Variants in CIMAP1D observed in about 807,000 individuals in gnomAD.
CIMAP1D encodes the protein protein CIMAP1D.
At chr19:488,305 G>T in the CIMAP1D span, among the ~76,000 whole-genome samples, 1 of 152,064 alleles carries the variant, frequency 6.6e-6, no homozygotes, top group Non-Finnish European at 1.5e-5. Flanking sequence ...GGCAGATCAC[G>T]AGGTCAGGAG....
chr19:488,509 G>A, the CIMAP1D span, among the ~76,000 whole-genome samples: 95 of 152,322 alleles, frequency 6.2e-4, no homozygotes, highest in African/African-American at 2.0e-3. Flanking sequence ...GCGACAGAGC[G>A]AGACTCCGTC....
chr19:480,673 G>A, the CIMAP1D span, among the ~76,000 whole-genome samples: 3 of 149,818 alleles, frequency 2.0e-5, no homozygotes, highest in Admixed American at 6.6e-5. Context: ...GATGGAGAAG[G>A]ATGATGGAGA....
At chr19:474,187 C>T in the CIMAP1D span, among the ~76,000 whole-genome samples, 20 of 152,314 alleles carry the variant, frequency 1.3e-4, no homozygotes, top group African/African-American at 3.1e-4. Context: ...GAGGAAACTG[C>T]GGCCCGTCCT....
At chr19:478,781 G>A in the CIMAP1D span, among the ~76,000 whole-genome samples, 1 of 152,276 alleles carries the variant, frequency 6.6e-6, no homozygotes, top group African/African-American at 2.4e-5. Context: ...GGCTGCAGGC[G>A]AGGGACGTCA....
At chr19:491,026 G>A in the CIMAP1D span, among the ~76,000 whole-genome samples, 1 of 152,094 alleles carries the variant, frequency 6.6e-6, no homozygotes, top group African/African-American at 2.4e-5. Flanking sequence ...AACCTGGGAG[G>A]CAGAGGTTGC....
At chr19:483,666 G>C in the CIMAP1D span, among the ~76,000 whole-genome samples, 1 of 152,178 alleles carries the variant, frequency 6.6e-6, no homozygotes, top group Non-Finnish European at 1.5e-5. Flanking sequence ...CAGTGGCCGG[G>C]ACCACCCCAC....
the CIMAP1D span, among the ~76,000 whole-genome samples, chr19:471,920 G>T: frequency 6.6e-6 from 1 of 151,920 alleles, no homozygotes; most frequent in African/African-American, 2.4e-5. Flanking sequence ...TTTTTCTTTG[G>T]TATTTTTAGT....
the CIMAP1D span, among the ~76,000 whole-genome samples, chr19:488,417 G>GA: frequency 9.2e-5 from 14 of 152,318 alleles, no homozygotes; most frequent in South Asian, 2.1e-4. Flanking sequence ...AGCTACTCGG[G>GA]AGGCTGAGGC....
chr19:469,399 C>G, the CIMAP1D span, among the ~76,000 whole-genome samples: 1 of 152,174 alleles, frequency 6.6e-6, no homozygotes, highest in South Asian at 2.1e-4. Flanking sequence ...ATTAGAAACC[C>G]TTGATCATGG....
chr19:472,339 T>TG, the CIMAP1D span: 2 of 1,088,314 alleles, frequency 1.8e-6, no homozygotes, highest in Non-Finnish European at 2.6e-6. Context: ...TCAGTGCTCC[T>TG]GGGGGGAGAT....
chr19:463,837 G>A, the CIMAP1D span: 71 of 1,604,510 alleles, frequency 4.4e-5, no homozygotes, highest in Non-Finnish European at 5.8e-5. Flanking sequence ...TGGGAAACAG[G>A]CCTGGCCTAG....
the CIMAP1D span, among the ~76,000 whole-genome samples, chr19:479,073 G>C: frequency 2.0e-5 from 3 of 152,192 alleles, no homozygotes; most frequent in African/African-American, 7.2e-5. Context: ...TGAGGGCCGT[G>C]ATCAACTCAG....
chr19:474,882 C>A, the CIMAP1D span: 24 of 711,194 alleles, frequency 3.4e-5, 1 homozygote, highest in South Asian at 7.7e-4. Context: ...CGACCACAGC[C>A]GCACAGACGG....
chr19:481,486 T>C, the CIMAP1D span, among the ~76,000 whole-genome samples: 2 of 53,328 alleles, frequency 3.8e-5, no homozygotes, highest in Non-Finnish European at 3.4e-5. Context: ...GGAAGGATGA[T>C]GGGAAGGATG....
the CIMAP1D span, chr19:467,527 C>G: frequency 7.8e-4 from 578 of 743,566 alleles, 6 homozygotes; most frequent in African/African-American, 9.3e-3. Context: ...TGGATTTGAT[C>G]ACTCCAAAGA....
the CIMAP1D span, among the ~76,000 whole-genome samples, chr19:475,762 C>G: frequency 2.1e-5 from 3 of 144,256 alleles, no homozygotes; most frequent in African/African-American, 7.4e-5. Flanking sequence ...TTTTTTGGAG[C>G]CTTTTGCAGT....
At chr19:478,751 C>T in the CIMAP1D span, among the ~76,000 whole-genome samples, 2 of 152,290 alleles carry the variant, frequency 1.3e-5, no homozygotes, top group East Asian at 1.9e-4. Context: ...GCCGGCCCTA[C>T]GTCCACCCGC....
chr19:490,158 C>G, the CIMAP1D span: 4 of 370,256 alleles, frequency 1.1e-5, 1 homozygote, highest in Non-Finnish European at 9.6e-6. Flanking sequence ...GAGTTTGAGA[C>G]CAGCCTGGCC....
At chr19:464,449 C>T in the CIMAP1D span, 2 of 794,712 alleles carry the variant, frequency 2.5e-6, no homozygotes, top group Non-Finnish European at 4.2e-6. Context: ...CACATGCACC[C>T]TGGAGCTTAC....
Sources: allele counts gnomAD v4.1 joint callset (sites outside exome capture counted in the v4.1 genomes callset), GRCh38; gene constraint gnomAD v4.1.1; transcripts MANE v1.5; gene names NCBI Gene and HGNC (gene_info 2026-07-23, HGNC 2026-07-21).